Variants in NF1 observed in about 807,000 individuals in gnomAD.
The protein encoded by NF1 is neurofibromin 1.
Under a neutral mutation model 325.7 loss-of-function variants are expected in NF1, and 122 were observed. The observed-to-expected ratio is 0.37, with a 90% confidence interval of 0.32 to 0.44. NF1 has a LOEUF of 0.44. Among genes scored for constraint, NF1 ranks in the 20% least tolerant of loss-of-function variants. NF1 has a pLI of 1.00. For missense variants in NF1, 2,140 were observed against 3,415.4 expected, an observed-to-expected ratio of 0.63 and a Z score of 9.31; for synonymous variants, 1,091 against 1,186.0, an observed-to-expected ratio of 0.92 and a Z score of 1.65.
intron 29 of NF1, among the ~76,000 whole-genome samples, chr17:31,247,779 G>A (rs2067421663): frequency 6.6e-6 from 1 of 152,162 alleles, no homozygotes; most frequent in African/African-American, 2.4e-5. Context: ...ATAAATCATG[G>A]TATACAATAG....
chr17:31,326,312 A>G (rs769628301), intron 37 of NF1, 60 bp downstream of exon 37: 28 of 1,528,988 alleles, frequency 1.8e-5, no homozygotes, highest in Non-Finnish European at 2.4e-5. Context: ...ACTAGACTAT[A>G]TCCTGGCCTC....
chr17:31,232,068 T>TTTG lies in NF1; in HGVS notation c.3198-4_3198-3insTGT, dbSNP rs745559136. 3 of 1,405,700 alleles carry TTTG rather than the reference T, an allele frequency of 2.1e-6. No homozygotes were observed. The highest frequency in any genetic ancestry group is 2.9e-6 in the Non-Finnish European group (3 of 1,033,206). 87.1% of individuals were successfully genotyped at this position (1,405,700 alleles called of 1,614,324 possible). ...ATTTTTTTTTTTTTTTTTTTTTTTTTTCAGAGATTTGGACCAGGCAAGCAT... is the reference window on the plus strand; with the variant it reads ...ATTTTTTTTTTTTTTTTTTTTTTTTTTTGTCAGAGATTTGGACCAGGCAAGCAT... On this transcript the variant is annotated splice_region_variant and splice_polypyrimidine_tract_variant and intron_variant, in intron 24 of 57. Coordinates refer to ENST00000358273, the MANE Select transcript of NF1 (RefSeq NM_001042492.3).
intron 3 of NF1, among the ~76,000 whole-genome samples, 172 bp from the exon 4 acceptor site, chr17:31,163,014 C>T (rs1472991223): frequency 6.6e-6 from 1 of 152,000 alleles, no homozygotes; most frequent in Non-Finnish European, 1.5e-5. Flanking sequence ...ATTAAACTAT[C>T]TATAGACAGA....
intron 36 of NF1, among the ~76,000 whole-genome samples, chr17:31,303,421 G>A (rs918700795): frequency 4.6e-5 from 7 of 152,154 alleles, no homozygotes; most frequent in African/African-American, 7.2e-5. Flanking sequence ...AGAGTGGATA[G>A]CATCAGAAAG....
chr17:31,181,968 C>G (rs1230278375), intron 7 of NF1, among the ~76,000 whole-genome samples, 183 bp downstream of exon 7: 1 of 152,152 alleles, frequency 6.6e-6, no homozygotes, highest in Non-Finnish European at 1.5e-5. Flanking sequence ...GCCCAACCCT[C>G]TTCCTTTCCT....
chr17:31,173,001 G>T (rs574494208), intron 5 of NF1, among the ~76,000 whole-genome samples: 11 of 152,138 alleles, frequency 7.2e-5, no homozygotes, highest in Non-Finnish European at 1.6e-4. Flanking sequence ...AGAAGTGGAG[G>T]CTGGGCGCAG....
intron 8 of NF1, among the ~76,000 whole-genome samples, chr17:31,194,982 A>T (rs558741381): frequency 1.3e-5 from 2 of 152,288 alleles, no homozygotes; most frequent in South Asian, 4.1e-4. Flanking sequence ...TATTTGTGCC[A>T]AATTAGTAAT....
chr17:31,155,878 G>T (rs2143623027), intron 1 of NF1, 105 bp from the exon 2 acceptor site: 1 of 1,291,892 alleles, frequency 7.7e-7, no homozygotes, highest in South Asian at 1.3e-5. Flanking sequence ...ATCTGTGGTT[G>T]ATGCAGTTTT....
At chr17:31,109,162 AC>A (rs1023271925) in intron 1 of NF1, among the ~76,000 whole-genome samples, 2 of 152,138 alleles carry the variant, frequency 1.3e-5, no homozygotes, top group Non-Finnish European at 2.9e-5. Context: ...AATTGCAACA[AC>A]ATTTTCTCAT....
chr17:31,340,477 C>G (rs1267154186), intron 46 of NF1, 28 bp from the exon 47 acceptor site: 1 of 1,614,058 alleles, frequency 6.2e-7, no homozygotes, highest in South Asian at 1.1e-5. Context: ...ATTCATCTTA[C>G]TAGCCTCAAA....
chr17:31,201,376 A>G, intron 10 of NF1, 35 bp from the exon 11 acceptor site: 4 of 1,571,852 alleles, frequency 2.5e-6, no homozygotes, highest in Admixed American at 1.7e-5. Flanking sequence ...TTTTTCTCAT[A>G]GAAATAATCT....
At chr17:31,224,212 A>T (rs1019948760) in intron 16 of NF1, among the ~76,000 whole-genome samples, 4 of 152,156 alleles carry the variant, frequency 2.6e-5, no homozygotes, top group Non-Finnish European at 5.9e-5. Flanking sequence ...TTTGATTCTG[A>T]ACTATTGAAA....
intron 11 of NF1, among the ~76,000 whole-genome samples, chr17:31,203,178 T>G (rs987232678): frequency 1.3e-5 from 2 of 151,860 alleles, no homozygotes; most frequent in Non-Finnish European, 2.9e-5. Context: ...ATGCCTGGAG[T>G]GGTGCTTCAT....
intron 36 of NF1, chr17:31,318,171 C>T (rs2069073914): frequency 8.7e-7 from 1 of 1,143,750 alleles, no homozygotes; most frequent in Non-Finnish European, 1.2e-6. Flanking sequence ...CCTGTCTCAC[C>T]TGCTTGATTC....
At chr17:31,320,456 TG>T in intron 36 of NF1, 2 of 1,606,128 alleles carry the variant, frequency 1.2e-6, no homozygotes, top group African/African-American at 2.7e-5. Flanking sequence ...GTCAGGCTTT[TG>T]AACATCAAGG....
intron 6 of NF1, 30 bp downstream of exon 6, chr17:31,181,519 T>G (rs1475379668): frequency 1.2e-6 from 2 of 1,608,828 alleles, no homozygotes; most frequent in African/African-American, 1.3e-5. Context: ...GTATTAAAAT[T>G]TTGTTTTTGA....
intron 35 of NF1, among the ~76,000 whole-genome samples, chr17:31,263,258 T>C (rs996366522): frequency 6.6e-6 from 1 of 152,034 alleles, no homozygotes; most frequent in Non-Finnish European, 1.5e-5. Flanking sequence ...CTGGGCAACA[T>C]AGCAGGACTC....
chr17:31,097,472 A>C (rs1911845465), intron 1 of NF1, among the ~76,000 whole-genome samples: 1 of 151,826 alleles, frequency 6.6e-6, no homozygotes, highest in Non-Finnish European at 1.5e-5. Context: ...AAAAAAAAAA[A>C]AAAAAAAAGG....
Position 31,227,590 on chromosome 17 carries a change from A to C in NF1, c.2393A>C (p.Lys798Thr), listed in dbSNP as rs745498566. The C allele has an allele frequency of 6.2e-7, 1 of 1,613,804 alleles. No individual in the cohort carries two copies. Among genetic ancestry groups the C allele is most frequent in the South Asian group, 1.1e-5 (1 of 91,078 alleles). ...CTAATCCTTAACTATCCAAAAGCCA[A>C]AATGGAAGATGGCCAGGTAAGTCTG... ...TKLILNYPKA[K>T]MEDGQAAESL... The change falls in exon 20 of 58, where the codon AAA becomes ACA. Residue 798 changes from lysine to threonine, a missense_variant. Transcript: ENST00000358273.
Sources: gnomAD v4.1 joint callset for allele counts (sites outside exome capture counted in the v4.1 genomes callset) on GRCh38, gnomAD v4.1.1 for gene constraint, MANE v1.5 for transcripts, NCBI Gene and HGNC (gene_info 2026-07-23, HGNC 2026-07-21) for gene names.